Variants in ZMYM4 observed in about 807,000 individuals in gnomAD.
ZMYM4 encodes zinc finger MYM-type protein 4.
A neutral mutation model predicts 183.2 loss-of-function variants in ZMYM4; 31 were observed. The observed-to-expected ratio is 0.17, with a 90% confidence interval of 0.13 to 0.23. The LOEUF (loss-of-function observed/expected upper bound fraction) is 0.23. ZMYM4 is among the 10% of genes least tolerant of loss of function. The pLI, the probability that ZMYM4 is intolerant of heterozygous loss-of-function variation, is 1.00. For missense variants in ZMYM4, 1,273 were observed against 1,840.3 expected (o/e 0.69, Z 5.64); for synonymous variants, 592 against 631.2 (o/e 0.94, Z 0.93).
At chr1:35,392,905 T>C (rs1352939121) in intron 17 of ZMYM4, among the ~76,000 whole-genome samples, 3 of 152,188 alleles carry the variant, frequency 2.0e-5, no homozygotes, top group African/African-American at 4.8e-5. Context: ...ACTGAAAGTT[T>C]TTCTTTAATT....
intron 2 of ZMYM4, 90 bp from the exon 3 acceptor site, chr1:35,358,835 A>AG: frequency 5.3e-6 from 6 of 1,140,700 alleles, no homozygotes; most frequent in Non-Finnish European, 7.4e-6. Flanking sequence ...TGTTTGAAAA[A>AG]ATATTTATTT....
At chr1:35,328,975 A>C (rs116646000) in intron 2 of ZMYM4, among the ~76,000 whole-genome samples, 352 of 151,982 alleles carry the variant, frequency 2.3e-3, no homozygotes, top group African/African-American at 8.1e-3. Context: ...CCTACCATCT[A>C]CTCATTGCCC....
At chr1:35,271,018 G>A (rs1267189654) in intron 1 of ZMYM4, among the ~76,000 whole-genome samples, 3 of 152,140 alleles carry the variant, frequency 2.0e-5, no homozygotes, top group Non-Finnish European at 4.4e-5. Flanking sequence ...TAAATGTTGT[G>A]TATGGAATGC....
chr1:35,338,527 C>G (rs955964524), intron 2 of ZMYM4, among the ~76,000 whole-genome samples: 2 of 152,152 alleles, frequency 1.3e-5, no homozygotes, highest in African/African-American at 4.8e-5. Context: ...GGGGAATGTC[C>G]TGGAACCAAA....
At chr1:35,345,646 C>T (rs1643365762) in intron 2 of ZMYM4, among the ~76,000 whole-genome samples, 1 of 152,118 alleles carries the variant, frequency 6.6e-6, no homozygotes, top group African/African-American at 2.4e-5. Flanking sequence ...GGGGTTTCAC[C>T]ATGCTGCCCA....
At chr1:35,402,799 A>G (rs1402767020) in intron 23 of ZMYM4, among the ~76,000 whole-genome samples, 3 of 151,704 alleles carry the variant, frequency 2.0e-5, no homozygotes, top group Admixed American at 1.3e-4. Flanking sequence ...TTCTACCTAG[A>G]CAATCATATT....
intron 29 of ZMYM4, 33 bp from the exon 30 acceptor site, chr1:35,419,437 T>C (rs1426117946): frequency 6.2e-7 from 1 of 1,601,556 alleles, no homozygotes; most frequent in Non-Finnish European, 8.5e-7. Flanking sequence ...TCTAATTTTC[T>C]TTTTTCTCTT....
intron 1 of ZMYM4, among the ~76,000 whole-genome samples, chr1:35,317,138 G>C (rs1642081664): frequency 7.8e-6 from 1 of 128,306 alleles, no homozygotes; most frequent in Non-Finnish European, 1.6e-5. Flanking sequence ...AAAAAAAAAA[G>C]TTAAAGTGCT....
At chr1:35,362,465 A>G (rs777862043) in intron 5 of ZMYM4, among the ~76,000 whole-genome samples, 2 of 152,230 alleles carry the variant, frequency 1.3e-5, no homozygotes, top group Non-Finnish European at 2.9e-5. Context: ...GAAAAAAGTT[A>G]TATCAGATGC....
At chr1:35,287,262 T>C (rs12097325) in intron 1 of ZMYM4, among the ~76,000 whole-genome samples, 5,089 of 151,698 alleles carry the variant, frequency 0.034, 257 homozygotes, top group East Asian at 0.24. Context: ...AGATGGGGTC[T>C]TGCTATATTA....
intron 22 of ZMYM4, 83 bp downstream of exon 22, chr1:35,399,126 C>T: frequency 4.5e-6 from 6 of 1,335,900 alleles, no homozygotes; most frequent in Non-Finnish European, 6.2e-6. Flanking sequence ...TTAAGCAGTG[C>T]CAATTGTTAT....
intron 22 of ZMYM4, 97 bp downstream of exon 22, chr1:35,399,140 T>TC: frequency 1.8e-5 from 22 of 1,203,362 alleles, no homozygotes; most frequent in Non-Finnish European, 2.6e-5. Flanking sequence ...TTGTTATTGA[T>TC]AATAACAGTG....
rs1643594489 is a variant in ZMYM4, at chr1:35,351,232, C to T, written c.86-7693C>T. 4 of 1,495,974 alleles carry T rather than the reference C, an allele frequency of 2.7e-6. No homozygotes were observed. The South Asian group carries it at 4.5e-5, about 17-fold the overall frequency. 92.7% of individuals were successfully genotyped at this position (1,495,974 alleles called of 1,614,324 possible). ...AAGGGCGCTGTGGATGGAGGCTTGT[C>T]TGTCCCTCACAGTACCAAACGATTC... On this transcript the variant is annotated intron_variant, in intron 2 of 29. Transcript: ENST00000314607.
intron 1 of ZMYM4, among the ~76,000 whole-genome samples, chr1:35,284,305 T>G (rs1419214070): frequency 3.3e-5 from 5 of 152,304 alleles, no homozygotes; most frequent in African/African-American, 1.2e-4. Context: ...GAAATCCAAT[T>G]TGTGTTTTTC....
intron 26 of ZMYM4, 100 bp downstream of exon 26, chr1:35,408,259 C>T: frequency 2.9e-6 from 4 of 1,358,432 alleles, no homozygotes; most frequent in Non-Finnish European, 4.0e-6. Flanking sequence ...CAGATATATA[C>T]TGGTATTTTC....
intron 7 of ZMYM4, among the ~76,000 whole-genome samples, chr1:35,380,947 A>G (rs970408827): frequency 3.9e-5 from 6 of 152,202 alleles, no homozygotes; most frequent in Non-Finnish European, 7.3e-5. Flanking sequence ...TAGAAAAGAA[A>G]AATCTCGTAT....
chr1:35,337,287 G>A (rs1345804200), intron 2 of ZMYM4, among the ~76,000 whole-genome samples: 1 of 152,094 alleles, frequency 6.6e-6, no homozygotes, highest in East Asian at 1.9e-4. Flanking sequence ...GCTTGAACCT[G>A]GGAGATGGAG....
At chr1:35,272,935 C>T (rs1202389950) in intron 1 of ZMYM4, among the ~76,000 whole-genome samples, 2 of 152,048 alleles carry the variant, frequency 1.3e-5, no homozygotes, top group Admixed American at 6.5e-5. Flanking sequence ...AGGATGGTCT[C>T]GATCTCCTGA....
chr1:35,380,086 A>G (rs935562095), intron 7 of ZMYM4, among the ~76,000 whole-genome samples: 1 of 152,248 alleles, frequency 6.6e-6, no homozygotes, highest in Non-Finnish European at 1.5e-5. Context: ...CAGGGTTGCT[A>G]CAAGCCTTCT....
Sources: allele counts gnomAD v4.1 joint callset (sites outside exome capture counted in the v4.1 genomes callset), GRCh38; gene constraint gnomAD v4.1.1; transcripts MANE v1.5; gene names NCBI Gene and HGNC (gene_info 2026-07-23, HGNC 2026-07-21).